PABPC4L: variants seen among roughly 807,000 people sequenced by gnomAD.
The protein encoded by PABPC4L is polyadenylate-binding protein 4-like.
For missense variants in PABPC4L, 452 were observed against 451.4 expected (o/e 1.00, Z -0.01); for synonymous variants, 169 against 164.1 (o/e 1.03, Z -0.23).
the PABPC4L span, among the ~76,000 whole-genome samples, chr4:134,164,695 C>T: frequency 6.5e-3 from 988 of 152,152 alleles, 9 homozygotes; most frequent in African/African-American, 0.022. Flanking sequence ...AATGACCATA[C>T]TGCCCAAAAG....
the PABPC4L span, among the ~76,000 whole-genome samples, chr4:134,090,194 A>T: frequency 6.6e-6 from 1 of 152,108 alleles, no homozygotes; most frequent in African/African-American, 2.4e-5. Flanking sequence ...TTGCTTCTAT[A>T]AAATCCAGTT....
the PABPC4L span, among the ~76,000 whole-genome samples, chr4:134,148,216 T>A: frequency 6.6e-6 from 1 of 152,162 alleles, no homozygotes; most frequent in Non-Finnish European, 1.5e-5. Context: ...AAGGCTTTGC[T>A]ATGAATACTC....
chr4:133,986,506 G>C, the PABPC4L span, among the ~76,000 whole-genome samples: 4 of 152,080 alleles, frequency 2.6e-5, no homozygotes, highest in African/African-American at 9.6e-5. Context: ...AAGAAAATAA[G>C]AGAAATAAAA....
At chr4:133,990,003 A>C in the PABPC4L span, among the ~76,000 whole-genome samples, 3 of 152,082 alleles carry the variant, frequency 2.0e-5, no homozygotes, top group Non-Finnish European at 4.4e-5. Flanking sequence ...CACTATTATG[A>C]GAATATCATA....
chr4:134,086,979 A>T, the PABPC4L span, among the ~76,000 whole-genome samples: 1 of 145,548 alleles, frequency 6.9e-6, no homozygotes, highest in Admixed American at 7.0e-5. Context: ...CAGTCCCCAG[A>T]GTGTGATGTT....
the PABPC4L span, among the ~76,000 whole-genome samples, chr4:134,057,473 G>C: frequency 4.6e-5 from 7 of 152,132 alleles, no homozygotes; most frequent in East Asian, 1.4e-3. Context: ...CCATTGGTGA[G>C]AGGGAGGATT....
chr4:134,048,579 A>G, the PABPC4L span, among the ~76,000 whole-genome samples: 2 of 152,152 alleles, frequency 1.3e-5, no homozygotes, highest in Non-Finnish European at 2.9e-5. Context: ...TCAATTATAC[A>G]ACACTGCTGA....
In PABPC4L at chr4:134,196,789, T is replaced by C. The variant is rs545317024; in HGVS notation, c.*3118A>G. On this transcript the variant is annotated 3_prime_UTR_variant, in exon 2 of 2. Transcript: ENST00000421491. The stretch of plus-strand genomic sequence containing the variant: ...ATTTAAATAAATTAAATCCATAGGA[T>C]TGTATATTTTTGTAAACTGACTGTC... 1 of 145,520 alleles carries C rather than the reference T, an allele frequency of 6.9e-6. No individual in the cohort carries two copies. The highest frequency in any genetic ancestry group is 2.3e-4 in the South Asian group (1 of 4,438). The allele number at this position is 145,520 out of a possible 1,614,324, so 9.0% of individuals were successfully genotyped here.
rs1034839556 is a variant in PABPC4L, at chr4:134,197,620, C to T, written c.*2287G>A. On this transcript the variant is annotated 3_prime_UTR_variant, in exon 2 of 2. Transcript: ENST00000421491. ...AAAAATCCATGTAAATAAAAAACAC[C>T]CCAACAGGAAAATAAATTATGATCA... The T allele has an allele frequency of 4.0e-5, 6 of 151,118 alleles. No homozygotes were observed. The highest frequency in any genetic ancestry group is 2.6e-4 in the Admixed American group (4 of 15,174). The allele number at this position is 151,118 out of a possible 1,614,324, so 9.4% of individuals were successfully genotyped here.
the PABPC4L span, among the ~76,000 whole-genome samples, chr4:134,109,211 G>A: frequency 1.3e-5 from 2 of 151,838 alleles, no homozygotes; most frequent in Non-Finnish European, 2.9e-5. Flanking sequence ...ATTCATATAT[G>A]TATACTTGTG....
At chr4:133,964,969 G>A in the PABPC4L span, among the ~76,000 whole-genome samples, 19,585 of 151,994 alleles carry the variant, frequency 0.13, 2,662 homozygotes, top group East Asian at 0.49. Flanking sequence ...CCTAGCCAGA[G>A]CAATCAGAGA....
chr4:134,100,332 T>A, the PABPC4L span, among the ~76,000 whole-genome samples: 1 of 151,682 alleles, frequency 6.6e-6, no homozygotes, highest in African/African-American at 2.4e-5. Context: ...ATAAAAACTT[T>A]AAAGTGTCTA....
chr4:134,162,030 A>G, the PABPC4L span, among the ~76,000 whole-genome samples: 1 of 152,076 alleles, frequency 6.6e-6, no homozygotes, highest in East Asian at 1.9e-4. Flanking sequence ...GTTTAAAATA[A>G]TTGGTTATAA....
the PABPC4L span, among the ~76,000 whole-genome samples, chr4:134,128,140 G>A: frequency 2.0e-4 from 31 of 152,166 alleles, no homozygotes; most frequent in East Asian, 4.1e-3. Flanking sequence ...AATGAACAAA[G>A]CCTACAAGAA....
At chr4:133,957,139 T>C in the PABPC4L span, among the ~76,000 whole-genome samples, 1 of 152,058 alleles carries the variant, frequency 6.6e-6, no homozygotes, top group South Asian at 2.1e-4. Context: ...GTCCAAAATC[T>C]CATCTGAGAC....
At chr4:134,131,200 G>C in the PABPC4L span, among the ~76,000 whole-genome samples, 10 of 152,104 alleles carry the variant, frequency 6.6e-5, no homozygotes, top group East Asian at 1.7e-3. Flanking sequence ...AGGGCAATCA[G>C]ACAGGAAAAA....
the PABPC4L span, among the ~76,000 whole-genome samples, chr4:134,160,982 C>G: frequency 6.6e-6 from 1 of 151,910 alleles, no homozygotes; most frequent in Non-Finnish European, 1.5e-5. Flanking sequence ...GATACATGAC[C>G]TCTCAGACAA....
At chr4:133,964,515 A>G in the PABPC4L span, among the ~76,000 whole-genome samples, 1 of 152,070 alleles carries the variant, frequency 6.6e-6, no homozygotes, top group Non-Finnish European at 1.5e-5. Flanking sequence ...GACATAACCA[A>G]AAAAGAAAAT....
At chr4:134,034,169 G>A in the PABPC4L span, among the ~76,000 whole-genome samples, 1 of 151,896 alleles carries the variant, frequency 6.6e-6, no homozygotes, top group African/African-American at 2.4e-5. Context: ...TACCTTGCCT[G>A]TGGTCTGTAA....
Sources: allele counts gnomAD v4.1 joint callset (sites outside exome capture counted in the v4.1 genomes callset), GRCh38; gene constraint gnomAD v4.1.1; transcripts MANE v1.5; gene names NCBI Gene and HGNC (gene_info 2026-07-23, HGNC 2026-07-21).